The following CENPS variants were observed in gnomAD, a reference collection of about 807,000 sequenced individuals.
CENPS encodes the protein centromere protein S, also known as FANCM associated histone fold protein 1.
Under a neutral mutation model 17.9 loss-of-function variants are expected in CENPS, and 16 were observed. The observed-to-expected ratio is 0.90, with a 90% CI of 0.61 to 1.36. The LOEUF is 1.36. Among genes scored for constraint, CENPS ranks in the 40% most tolerant of loss-of-function variants. CENPS has a pLI of 0.00. For synonymous variants in CENPS, 49 were observed against 55.8 expected, an observed-to-expected ratio of 0.88 and a Z score of 0.54; for missense variants, 160 against 158.6, an observed-to-expected ratio of 1.01 and a Z score of -0.05.
chr1:10,430,651 G>A (rs1007985875), intron 1 of CENPS, 83 bp downstream of exon 1: 4 of 1,477,096 alleles, frequency 2.7e-6, no homozygotes, highest in East Asian at 2.8e-5. Context: ...AGCCCCCGGC[G>A]GCTTCTCATC....
intron 4 of CENPS, 94 bp downstream of exon 4, chr1:10,440,507 A>C (rs765499099): frequency 8.1e-5 from 123 of 1,511,060 alleles, no homozygotes; most frequent in Non-Finnish European, 9.7e-5. Context: ...TCCCCAGGGC[A>C]CCTTGCATTA....
chr1:10,436,424 G>A (rs925324211), intron 3 of CENPS, among the ~76,000 whole-genome samples: 3 of 151,414 alleles, frequency 2.0e-5, no homozygotes, highest in Non-Finnish European at 2.9e-5. Context: ...TGTGGAGGCC[G>A]GGCGCCGTGG....
Position 10,442,387 on chromosome 1 carries a change from G to A in CENPS, c.399G>A (p.Val133=), listed in dbSNP as rs1405534441. The part of the protein sequence containing the change: ...KNSRQPAEAG[V]VESEN The stretch of plus-strand genomic sequence containing the variant: ...CAAGGCAGCCAGCAGAGGCTGGAGT[G>A]GTGGAAAGTGAGAATTAAAGTCCCT... The change falls in exon 5 of 5, where the codon GTG becomes GTA. Residue 133 remains valine, a synonymous_variant. Transcript: ENST00000309048. 6.3e-7 allele frequency: 1 copy of A among 1,584,296 alleles called. No homozygotes were observed. Among genetic ancestry groups the A allele is most frequent in the Non-Finnish European group, 8.5e-7 (1 of 1,172,100 alleles).
Position 10,436,745 on chromosome 1 carries a change from T to C in CENPS, c.209+2055T>C, listed in dbSNP as rs1180686839. On this transcript the variant is annotated intron_variant, in intron 3 of 4. Coordinates refer to ENST00000309048, the MANE Select transcript of CENPS (RefSeq NM_199294.3). Reference sequence around the variant, plus strand: ...AAGAAAAGAAAAGAAAAAAAAAAGTTTGTGGAAACGCTTTGTCTGAGAACT... The same window carrying C: ...AAGAAAAGAAAAGAAAAAAAAAAGTCTGTGGAAACGCTTTGTCTGAGAACT... 5.4e-5 allele frequency among the ~76,000 whole-genome samples: 8 copies of C among 148,244 alleles called. No homozygotes were observed. The Admixed American group carries it at 5.4e-4, about 10-fold the overall frequency.
At chr1:10,440,443 C>G (rs1640359295) in intron 4 of CENPS, 30 bp downstream of exon 4, 1 of 1,611,874 alleles carries the variant, frequency 6.2e-7, no homozygotes, top group Non-Finnish European at 8.5e-7. Flanking sequence ...CCTCACTCCC[C>G]TTTCCCATCG....
rs1427108937 is a variant in CENPS at position 10,440,369 on chromosome 1, A to G, written c.232A>G (p.Asn78Asp). The G allele has an allele frequency of 6.2e-7, 1 of 1,614,020 alleles. No homozygotes were observed. The highest frequency in any genetic ancestry group is 1.1e-5 in the South Asian group (1 of 91,020). The part of the protein sequence containing the change: ...FARHAKRTTI[N>D]TEDVKLLARR... ...CAGACATGCGAAAAGAACCACAATT[A>G]ACACTGAAGATGTGAAGCTCTTAGC... is the stretch of plus-strand genomic sequence containing the variant. The change falls in exon 4 of 5, where the codon AAC (asparagine) becomes GAC (aspartate). Residue 78 changes from asparagine to aspartate, a missense_variant. Coordinates refer to ENST00000309048, the MANE Select transcript of CENPS (RefSeq NM_199294.3).
Position 10,434,685 on chromosome 1 carries a change from T to A in CENPS, c.204T>A (p.Phe68Leu). The A allele has an allele frequency of 6.2e-7, 1 of 1,607,606 alleles. No individual in the cohort carries two copies. Among genetic ancestry groups the A allele is most frequent in the Non-Finnish European group, 8.5e-7 (1 of 1,178,268 alleles). Residue 68 changes from phenylalanine (F) to leucine (L), a missense_variant, in exon 3 of 5, where the codon TTT (phenylalanine) becomes TTA (leucine). By Grantham distance (22) the Phe-to-Leu change is conservative (BLOSUM62 0). Transcript: ENST00000309048. ...CENFAKDLEM[F>L]ARHAKRTTIN... ...ATTTTGCCAAAGACCTTGAAATGTT[T>A]GCAAGGTGGGTAGAGAACTTGATTA...
Position 10,442,752 on chromosome 1 carries a change from G to C in CENPS, c.*347G>C, listed in dbSNP as rs1640468577. 5.4e-6 allele frequency: 1 copy of C among 186,640 alleles called. No homozygotes were observed. Among genetic ancestry groups the C allele is most frequent in the African/African-American group, 2.3e-5 (1 of 42,850 alleles). The allele number at this position is 186,640 out of a possible 1,614,324, so 11.6% of individuals were successfully genotyped here. A position where few individuals can be genotyped will look rare whatever the true frequency, so the allele number is the denominator to read the frequency against. ...AGCAAAAATCAGTTCATCTTTTGAT[G>C]TAATTTTCTAGGCTAAATGGCAATC... On this transcript the variant is annotated 3_prime_UTR_variant, in exon 5 of 5. Coordinates refer to ENST00000309048, the MANE Select transcript of CENPS (RefSeq NM_199294.3).
chr1:10,435,704 T>TGTACAC (rs1553177257), intron 3 of CENPS, among the ~76,000 whole-genome samples: 1 of 143,560 alleles, frequency 7.0e-6, no homozygotes, highest in Non-Finnish European at 1.5e-5. Flanking sequence ...TTAAAAATAA[T>TGTACAC]ATATATATAT....
intron 1 of CENPS, chr1:10,431,198 G>T (rs974545701): frequency 7.3e-6 from 11 of 1,501,692 alleles, no homozygotes; most frequent in African/African-American, 5.6e-5. Context: ...GGGCATATGG[G>T]GCGTCAGAGG....
In CENPS at chr1:10,442,247, C is replaced by A. The variant is rs767016690; in HGVS notation, c.277-18C>A. The A allele has an allele frequency of 6.2e-6, 9 of 1,461,904 alleles. No individual in the cohort carries two copies. The highest frequency in any genetic ancestry group is 8.1e-6 in the Non-Finnish European group (9 of 1,112,632). The allele number at this position is 1,461,904 out of a possible 1,614,324, so 90.6% of individuals were successfully genotyped here. On this transcript the variant is annotated intron_variant, in intron 4 of 4. Coordinates refer to ENST00000309048, the MANE Select transcript of CENPS (RefSeq NM_199294.3). ...AAATGGTTACAGCCAGATATAAATA[C>A]AGATTTTTTTTTTATAGCTAAAATA... is the stretch of plus-strand genomic sequence containing the variant.
At chr1:10,439,005 CCT>C (rs1226291038) in intron 3 of CENPS, among the ~76,000 whole-genome samples, 4 of 152,074 alleles carry the variant, frequency 2.6e-5, no homozygotes, top group South Asian at 2.1e-4. Flanking sequence ...TTTTTTCTCC[CCT>C]GTGTCCTGGT....
In CENPS at chr1:10,436,839, C is replaced by T. The variant is rs970330809; in HGVS notation, c.209+2149C>T. 2.6e-5 allele frequency among the ~76,000 whole-genome samples: 4 copies of T among 152,242 alleles called. No homozygotes were observed. The South Asian group carries it at 8.3e-4, about 32-fold the overall frequency. ...TGCAGCCAGAGGCAGGGAAGCACCC[C>T]CTCTTCTTAGCACAACCCACAAGTA... On this transcript the variant is annotated intron_variant, in intron 3 of 4. Coordinates refer to ENST00000309048, the MANE Select transcript of CENPS (RefSeq NM_199294.3).
intron 4 of CENPS, 83 bp from the exon 5 acceptor site, chr1:10,442,182 G>A: frequency 6.7e-7 from 1 of 1,490,828 alleles, no homozygotes; most frequent in Non-Finnish European, 8.9e-7. Context: ...AGGTGGTTGT[G>A]GAGGGTTTAG....
intron 4 of CENPS, among the ~76,000 whole-genome samples, chr1:10,441,608 CTGGCTA>C (rs1640415145): frequency 6.9e-6 from 1 of 145,346 alleles, no homozygotes; most frequent in African/African-American, 2.5e-5. Flanking sequence ...GCCACCGCAC[CTGGCTA>C]CAACTCTTTT....
chr1:10,442,453 T>G lies in CENPS; in HGVS notation c.*48T>G. ...GCAGCCTTCTACAGGTAGAGCCACC[T>G]AGAAATGCATATGGCTGCAAAGGAA... is the stretch of plus-strand genomic sequence containing the variant. On this transcript the variant is annotated 3_prime_UTR_variant, in exon 5 of 5. Transcript: ENST00000309048. 1.3e-6 allele frequency: 2 copies of G among 1,484,980 alleles called. No homozygotes were observed. The highest frequency in any genetic ancestry group is 8.9e-7 in the Non-Finnish European group (1 of 1,124,000). 92.0% of individuals were successfully genotyped at this position (1,484,980 alleles called of 1,614,324 possible).
chr1:10,438,479 T>C (rs1640270955), intron 3 of CENPS, among the ~76,000 whole-genome samples: 1 of 152,212 alleles, frequency 6.6e-6, no homozygotes, highest in Admixed American at 6.5e-5. Flanking sequence ...CTTTGAAATC[T>C]CTAGTCTCCT....
chr1:10,431,838 A>AGACTCC (rs1557773434), intron 1 of CENPS, among the ~76,000 whole-genome samples: 1 of 140,234 alleles, frequency 7.1e-6, no homozygotes, highest in East Asian at 2.1e-4. Context: ...TGGGTGACAG[A>AGACTCC]GCGAGACTCC....
intron 3 of CENPS, among the ~76,000 whole-genome samples, chr1:10,435,924 AT>A (rs1311374971): frequency 6.6e-6 from 1 of 151,948 alleles, no homozygotes; most frequent in Non-Finnish European, 1.5e-5. Flanking sequence ...TAGAAAGAGC[AT>A]GGTAACACAT....
Sources: gnomAD v4.1 joint callset for allele counts (sites outside exome capture counted in the v4.1 genomes callset) on GRCh38, gnomAD v4.1.1 for gene constraint, MANE v1.5 for transcripts, NCBI Gene and HGNC (gene_info 2026-07-23, HGNC 2026-07-21) for gene names.